Variants in MTMR8 observed in about 807,000 individuals in gnomAD.
MTMR8 encodes the protein myotubularin related protein 8.
In MTMR8, 65 loss-of-function variants were observed where a neutral mutation model predicts 39.3. The ratio of observed to expected loss-of-function variants is 1.65; its 90% confidence interval spans 1.35 to 2.03. The LOEUF is 2.03. Ranked by LOEUF, MTMR8 falls within the 30% of genes most tolerant of loss-of-function variation. MTMR8 has a pLI of 0.00. For synonymous variants in MTMR8, 245 were observed against 185.2 expected (o/e 1.32, Z -2.62); for missense variants, 777 against 538.9 (o/e 1.44, Z -4.37).
chrX:64,358,841 ATG>A (rs1923696436), intron 2 of MTMR8, among the ~76,000 whole-genome samples: 1 of 96,465 alleles, frequency 1.0e-5, no homozygotes, highest in African/African-American at 4.7e-5. Context: ...ATGCCCGTGC[ATG>A]CACACACACA....
intron 12 of MTMR8, among the ~76,000 whole-genome samples, chrX:64,300,335 T>C (rs1292236751): frequency 4.5e-5 from 5 of 111,427 alleles, no homozygotes; most frequent in Non-Finnish European, 7.5e-5. Context: ...CATTATGTAA[T>C]GGCCTTGTCT....
intron 1 of MTMR8, among the ~76,000 whole-genome samples, chrX:64,371,380 C>A (rs375605022): frequency 1.8e-5 from 2 of 111,768 alleles, no homozygotes; most frequent in African/African-American, 6.5e-5. Context: ...CTATTTTATA[C>A]GTATTAAATT....
intron 8 of MTMR8, among the ~76,000 whole-genome samples, chrX:64,341,479 C>CAAAA (rs758580930): frequency 1.6e-4 from 4 of 25,518 alleles, no homozygotes; most frequent in African/African-American, 2.8e-4. Flanking sequence ...AACTCTGTCT[C>CAAAA]AAAAAAAAAA....
In MTMR8 at chrX:64,302,491, G is replaced by A. The variant is rs1051518366; in HGVS notation, c.1481+26281C>T. ...GGCACTCCCTAGTGAGATGAACCCG[G>A]TACCTCAGATGGAAATGCAGAAATC... On this transcript the variant is annotated intron_variant, in intron 12 of 13. Transcript: ENST00000374852. Among the ~76,000 whole-genome samples, 3 of 111,957 alleles carry A rather than the reference G, an allele frequency of 2.7e-5. 1 individual carries two copies. The highest frequency in any genetic ancestry group is 3.2e-5 in the African/African-American group (1 of 30,847).
chrX:64,394,740 G>A (rs376221217), intron 1 of MTMR8, among the ~76,000 whole-genome samples: 12 of 112,057 alleles, frequency 1.1e-4, no homozygotes, highest in African/African-American at 3.9e-4. Context: ...TTCTCCTACC[G>A]GCTGAGCAGA....
chrX:64,326,830 T>C (rs1449808116), intron 12 of MTMR8, among the ~76,000 whole-genome samples: 1 of 107,992 alleles, frequency 9.3e-6, no homozygotes, highest in Non-Finnish European at 1.9e-5. Flanking sequence ...GCAACCAAAA[T>C]AGAATGATAC....
intron 1 of MTMR8, among the ~76,000 whole-genome samples, chrX:64,391,370 T>G (rs1222567548): frequency 8.9e-6 from 1 of 112,609 alleles, no homozygotes; most frequent in East Asian, 2.8e-4. Flanking sequence ...AAGAGATTCA[T>G]GAATTAAACA....
intron 12 of MTMR8, among the ~76,000 whole-genome samples, chrX:64,301,164 C>T (rs1253019994): frequency 9.1e-6 from 1 of 109,994 alleles, no homozygotes; most frequent in African/African-American, 3.3e-5. Context: ...TAATATCCTG[C>T]AGAGTGTTTG....
intron 11 of MTMR8, among the ~76,000 whole-genome samples, chrX:64,331,228 T>C (rs188723512): frequency 3.7e-4 from 42 of 112,179 alleles, no homozygotes; most frequent in Non-Finnish European, 6.8e-4. Flanking sequence ...TAATCTCTGA[T>C]ATGAGTGAGA....
intron 1 of MTMR8, among the ~76,000 whole-genome samples, chrX:64,390,750 C>G (rs1356562391): frequency 1.8e-5 from 2 of 110,995 alleles, no homozygotes; most frequent in African/African-American, 6.6e-5. Context: ...CTCCCAGATT[C>G]AAGCCATCCC....
At chrX:64,384,823 C>A (rs962549976) in intron 1 of MTMR8, among the ~76,000 whole-genome samples, 7 of 112,505 alleles carry the variant, frequency 6.2e-5, no homozygotes, top group Non-Finnish European at 1.3e-4. Context: ...CTCTGAAATG[C>A]CTTTGAGGTC....
At chrX:64,368,412 GAC>G (rs1228724743) in intron 1 of MTMR8, among the ~76,000 whole-genome samples, 1 of 111,285 alleles carries the variant, frequency 9.0e-6, no homozygotes, top group African/African-American at 3.3e-5. Context: ...AAAACAGAGA[GAC>G]AGACTAATGG....
intron 12 of MTMR8, among the ~76,000 whole-genome samples, chrX:64,301,578 G>C (rs1298505880): frequency 8.9e-6 from 1 of 111,944 alleles, no homozygotes; most frequent in African/African-American, 3.2e-5. Context: ...CTCTCAGCTC[G>C]TCAAAGTCAT....
chrX:64,270,356 T>C (rs750178621), intron 13 of MTMR8, among the ~76,000 whole-genome samples: 160 of 112,291 alleles, frequency 1.4e-3, no homozygotes, highest in Non-Finnish European at 2.6e-3. Flanking sequence ...CCATTTCCAA[T>C]AATTCTTTTC....
At chrX:64,322,973 C>A (rs1464955591) in intron 12 of MTMR8, among the ~76,000 whole-genome samples, 2 of 112,850 alleles carry the variant, frequency 1.8e-5, no homozygotes, top group Non-Finnish European at 3.7e-5. Flanking sequence ...AGCACACTCA[C>A]CAGCCAGGTT....
chrX:64,269,607 TA>T (rs1234163558), intron 13 of MTMR8, among the ~76,000 whole-genome samples: 1 of 111,415 alleles, frequency 9.0e-6, no homozygotes, highest in Non-Finnish European at 1.9e-5. Context: ...GATTCACTGA[TA>T]CTTCACAACA....
intron 1 of MTMR8, among the ~76,000 whole-genome samples, chrX:64,369,212 C>T (rs1924060448): frequency 9.0e-6 from 1 of 111,579 alleles, no homozygotes; most frequent in Non-Finnish European, 1.9e-5. Context: ...GTGGCAATTC[C>T]TCAAGGATCT....
intron 10 of MTMR8, 82 bp downstream of exon 10, chrX:64,335,997 A>G (rs1923063303): frequency 4.4e-6 from 3 of 674,408 alleles, no homozygotes; most frequent in South Asian, 3.3e-5. Flanking sequence ...TCCTTCCTTT[A>G]CATGTACATA....
At chrX:64,383,051 A>G (rs1311171214) in intron 1 of MTMR8, among the ~76,000 whole-genome samples, 4 of 111,569 alleles carry the variant, frequency 3.6e-5, no homozygotes, top group Non-Finnish European at 7.5e-5. Flanking sequence ...ATAACAAAAT[A>G]GAGAAGTTAC....
Sources: gnomAD v4.1 joint callset for allele counts (sites outside exome capture counted in the v4.1 genomes callset) on GRCh38, gnomAD v4.1.1 for gene constraint, MANE v1.5 for transcripts, NCBI Gene and HGNC (gene_info 2026-07-23, HGNC 2026-07-21) for gene names.